Variants in SLC4A4 observed in about 807,000 individuals in gnomAD.
SLC4A4 encodes electrogenic sodium bicarbonate cotransporter 1.
Under a neutral mutation model 111.5 loss-of-function variants are expected in SLC4A4, and 27 were observed. The ratio of observed to expected loss-of-function variants is 0.24; its 90% CI spans 0.18 to 0.33. The LOEUF (loss-of-function observed/expected upper bound fraction) is 0.33. Among genes scored for constraint, SLC4A4 ranks in the 10% least tolerant of loss-of-function variants. The pLI, the probability that SLC4A4 is intolerant of heterozygous loss-of-function variation, is 1.00. For missense variants in SLC4A4, 909 were observed against 1,315.5 expected (o/e 0.69, Z 4.78); for synonymous variants, 443 against 463.4 (o/e 0.96, Z 0.57).
At chr4:71,498,836 T>C (rs1730644718) in intron 16 of SLC4A4, among the ~76,000 whole-genome samples, 1 of 152,126 alleles carries the variant, frequency 6.6e-6, no homozygotes, top group South Asian at 2.1e-4. Context: ...TAGCCCACAG[T>C]GTGTATACAT....
At chr4:71,188,758 C>G (rs751421722) in intron 1 of SLC4A4, among the ~76,000 whole-genome samples, 3 of 152,004 alleles carry the variant, frequency 2.0e-5, no homozygotes, top group Non-Finnish European at 4.4e-5. Flanking sequence ...CTGACTACAG[C>G]TCTCTTTCTT....
In SLC4A4 at chr4:71,306,331, C is replaced by T. The variant is rs541632745; in HGVS notation, c.254-33039C>T. 9.9e-4 allele frequency among the ~76,000 whole-genome samples: 151 copies of T among 152,186 alleles called. 1 individual carries two copies. Among genetic ancestry groups the T allele is most frequent in the African/African-American group, 3.5e-3 (144 of 41,524 alleles). Reference sequence around the variant, plus strand: ...GGCGCGGTGGCTCACACCTGTAATCCCAGCACTTTGGGAGGCTGAGGCGGG... The same window carrying T: ...GGCGCGGTGGCTCACACCTGTAATCTCAGCACTTTGGGAGGCTGAGGCGGG... On this transcript the variant is annotated intron_variant, in intron 3 of 25. Transcript: ENST00000264485.
chr4:71,416,356 C>A, intron 7 of SLC4A4, among the ~76,000 whole-genome samples: 1 of 152,132 alleles, frequency 6.6e-6, no homozygotes, highest in Non-Finnish European at 1.5e-5. Context: ...AAATCAGGAA[C>A]AGTAAGAGAT....
chr4:71,206,043 G>A (rs906033702), intron 1 of SLC4A4, among the ~76,000 whole-genome samples: 1 of 152,166 alleles, frequency 6.6e-6, no homozygotes, highest in Non-Finnish European at 1.5e-5. Context: ...GTCGTAGAAC[G>A]CATTTGGGAA....
At chr4:71,068,946 T>C (rs1488037441) in intron 1 of SLC4A4, among the ~76,000 whole-genome samples, 4 of 152,226 alleles carry the variant, frequency 2.6e-5, no homozygotes, top group African/African-American at 9.6e-5. Flanking sequence ...GGATTAGGAA[T>C]AAGTTCAGTC....
chr4:71,118,377 A>G (rs1985134), intron 2 of SLC4A4, among the ~76,000 whole-genome samples: 23,850 of 152,188 alleles, frequency 0.16, 2,183 homozygotes, highest in East Asian at 0.27. Context: ...CCTTAACCTC[A>G]TATACCTCAC....
intron 2 of SLC4A4, among the ~76,000 whole-genome samples, chr4:71,158,502 C>T (rs1744537108): frequency 6.6e-6 from 1 of 152,062 alleles, no homozygotes; most frequent in Admixed American, 6.6e-5. Flanking sequence ...TTTTAAATAC[C>T]CCCCAAATTC....
At chr4:71,154,028 G>C (rs1182292883) in intron 2 of SLC4A4, among the ~76,000 whole-genome samples, 1 of 152,156 alleles carries the variant, frequency 6.6e-6, no homozygotes. Context: ...CATAATTCAA[G>C]ACATATGCGG....
chr4:71,145,565 T>A (rs1343323380), intron 2 of SLC4A4, among the ~76,000 whole-genome samples: 2 of 150,188 alleles, frequency 1.3e-5, no homozygotes, highest in Non-Finnish European at 3.0e-5. Context: ...CGGCTGTGAA[T>A]CCATCTGGTC....
At chr4:71,476,745 C>T (rs1728407503) in intron 14 of SLC4A4, among the ~76,000 whole-genome samples, 1 of 151,514 alleles carries the variant, frequency 6.6e-6, no homozygotes, top group South Asian at 2.1e-4. Flanking sequence ...GCTTGGTAAC[C>T]CAAGTCACAT....
intron 2 of SLC4A4, among the ~76,000 whole-genome samples, chr4:71,146,834 T>C (rs944095881): frequency 1.3e-5 from 2 of 152,130 alleles, no homozygotes; most frequent in Non-Finnish European, 2.9e-5. Flanking sequence ...CATCAACTAA[T>C]GAGCAAAATA....
intron 2 of SLC4A4, among the ~76,000 whole-genome samples, chr4:71,102,894 T>C (rs1424483758): frequency 6.6e-6 from 1 of 151,380 alleles, no homozygotes; most frequent in East Asian, 1.9e-4. Flanking sequence ...AACATCATAA[T>C]GACAGGATCC....
chr4:71,472,663 A>G (rs749037539), intron 13 of SLC4A4, 36 bp from the exon 14 acceptor site: 1 of 1,601,812 alleles, frequency 6.2e-7, no homozygotes, highest in Non-Finnish European at 8.5e-7. Context: ...TGTTCCAAGG[A>G]GGAGGAATCT....
intron 19 of SLC4A4, 33 bp downstream of exon 19, chr4:71,546,561 A>G (rs746632864): frequency 1.9e-6 from 3 of 1,584,386 alleles, no homozygotes; most frequent in Non-Finnish European, 2.6e-6. Flanking sequence ...GGCTCCCGAA[A>G]ACACACTGTG....
At chr4:71,182,787 C>T (rs1745335253), upstream of SLC4A4, among the ~76,000 whole-genome samples, 1 of 152,096 alleles carries the variant, frequency 6.6e-6, no homozygotes, top group Non-Finnish European at 1.5e-5. Context: ...AGAGTCTGTT[C>T]TGATAGAGAA....
At chr4:71,065,817 C>T (rs553736364) in intron 1 of SLC4A4, among the ~76,000 whole-genome samples, 2 of 152,102 alleles carry the variant, frequency 1.3e-5, no homozygotes, top group Admixed American at 1.3e-4. Flanking sequence ...CCTCTGGGCT[C>T]CCATAGGACC....
intron 1 of SLC4A4, among the ~76,000 whole-genome samples, chr4:71,223,014 G>C (rs1718838530): frequency 6.6e-6 from 1 of 152,142 alleles, no homozygotes; most frequent in African/African-American, 2.4e-5. Flanking sequence ...TTGTGAATTG[G>C]GGAATTTGCA....
intron 3 of SLC4A4, among the ~76,000 whole-genome samples, chr4:71,301,406 G>A (rs920400571): frequency 6.6e-6 from 1 of 152,166 alleles, no homozygotes; most frequent in African/African-American, 2.4e-5. Flanking sequence ...CTTGGGGCCA[G>A]TCTGACGGAG....
Position 71,569,752 on chromosome 4 carries a change from C to T in SLC4A4, c.*2001C>T, listed in dbSNP as rs549645778. The T allele has an allele frequency of 6.6e-6, 1 of 151,712 alleles. No individual in the cohort carries two copies. The highest frequency in any genetic ancestry group is 2.0e-4 in the East Asian group (1 of 5,120). The allele number at this position is 151,712 out of a possible 1,614,324, so 9.4% of individuals were successfully genotyped here. On this transcript the variant is annotated 3_prime_UTR_variant, in exon 26 of 26. Transcript: ENST00000264485. ...TGTTAATTAAGTTATTATTCTGTCT[C>T]CTTGTAATTTTGATTACAAAAATTT... is the stretch of plus-strand genomic sequence containing the variant.
Sources: gnomAD v4.1 joint callset for allele counts (sites outside exome capture counted in the v4.1 genomes callset) on GRCh38, gnomAD v4.1.1 for gene constraint, MANE v1.5 for transcripts, NCBI Gene and HGNC (gene_info 2026-07-23, HGNC 2026-07-21) for gene names.